Variants in CDC14A observed in about 807,000 individuals in gnomAD.
The protein encoded by CDC14A is cell division cycle 14A, also known as dual specificity protein phosphatase CDC14A.
Under a neutral mutation model 74.4 loss-of-function variants are expected in CDC14A, and 53 were observed. That is an observed-to-expected ratio of 0.71 (90% CI 0.57 to 0.89). The LOEUF (loss-of-function observed/expected upper bound fraction) is 0.89, where lower values mean the gene tolerates loss of function less well. CDC14A is among the 40% of genes least tolerant of loss of function. The probability of loss-of-function intolerance (pLI) is 0.00; values close to 1 mark genes in which losing one functional copy is unlikely to be tolerated. For missense variants in CDC14A, 646 were observed against 713.7 expected (o/e 0.91, Z 1.08); for synonymous variants, 247 against 258.4 (o/e 0.96, Z 0.43).
rs773695527 is a variant in CDC14A, at chr1:100,499,157, C to T, written c.1650C>T (p.Pro550=). The part of the protein sequence containing the change: ...SNSNGGNLNS[P]PGPHSAKTEE... ...GCAACGGGGGCAACCTGAACAGCCC[C>T]CCAGGCCCCCACAGCGCCAAGACAG... Residue 550 remains proline, a synonymous_variant, in exon 15 of 16, where the codon CCC becomes CCT. Coordinates refer to ENST00000336454, the MANE Select transcript of CDC14A (RefSeq NM_003672.4). 2.5e-6 allele frequency: 4 copies of T among 1,614,162 alleles called. No homozygotes were observed. The highest frequency in any genetic ancestry group is 2.2e-5 in the South Asian group (2 of 91,084).
At chr1:100,407,081 A>G (rs534268710) in intron 4 of CDC14A, among the ~76,000 whole-genome samples, 8 of 152,176 alleles carry the variant, frequency 5.3e-5, no homozygotes, top group African/African-American at 1.4e-4. Flanking sequence ...TACCAGTACC[A>G]TGTTGTTTGG....
chr1:100,421,319 G>A (rs1324844618), intron 4 of CDC14A, among the ~76,000 whole-genome samples: 1 of 152,190 alleles, frequency 6.6e-6, no homozygotes, highest in Admixed American at 6.5e-5. Flanking sequence ...ATTCTGCTGA[G>A]AGAAGGCAAA....
chr1:100,406,221 G>T (rs1277285185), intron 4 of CDC14A, among the ~76,000 whole-genome samples: 1 of 151,992 alleles, frequency 6.6e-6, no homozygotes, highest in Non-Finnish European at 1.5e-5. Context: ...CTTTTCAATG[G>T]GGTTGTTTGG....
intron 4 of CDC14A, among the ~76,000 whole-genome samples, chr1:100,418,526 G>A (rs1374226158): frequency 6.6e-6 from 1 of 152,130 alleles, no homozygotes; most frequent in East Asian, 1.9e-4. Context: ...CTTGGTGAAG[G>A]GTTGGCAGTC....
chr1:100,391,364 T>C (rs976183421), intron 4 of CDC14A, among the ~76,000 whole-genome samples: 1 of 152,244 alleles, frequency 6.6e-6, no homozygotes, highest in African/African-American at 2.4e-5. Context: ...TTTCCAAAAC[T>C]AATTTCAATT....
At chr1:100,482,161 A>G (rs1365438650) in intron 10 of CDC14A, among the ~76,000 whole-genome samples, 2 of 152,226 alleles carry the variant, frequency 1.3e-5, no homozygotes, top group Non-Finnish European at 2.9e-5. Flanking sequence ...TGGCAGCAGC[A>G]TCAGAATTTT....
intron 4 of CDC14A, among the ~76,000 whole-genome samples, chr1:100,414,911 G>T (rs1330552324): frequency 6.6e-6 from 1 of 152,068 alleles, no homozygotes; most frequent in African/African-American, 2.4e-5. Flanking sequence ...ACATTGGCTT[G>T]GTGTTTCCTT....
chr1:100,348,187 C>T (rs1028804592), upstream of CDC14A, among the ~76,000 whole-genome samples: 2 of 150,056 alleles, frequency 1.3e-5, no homozygotes, highest in African/African-American at 4.9e-5. Context: ...GAGGCTGAGG[C>T]AGGCAAATTG....
At chr1:100,363,293 G>A (rs1340879879) in intron 2 of CDC14A, 1 of 152,164 alleles carries the variant, frequency 6.6e-6, no homozygotes, top group Non-Finnish European at 1.5e-5. Flanking sequence ...GCTTGTTTAC[G>A]TGTGCAGCTC....
At chr1:100,438,764 C>A (rs1664612694) in intron 5 of CDC14A, among the ~76,000 whole-genome samples, 1 of 152,226 alleles carries the variant, frequency 6.6e-6, no homozygotes, top group Non-Finnish European at 1.5e-5. Context: ...CATTTCACTT[C>A]ATGGCTTAGC....
rs200080208 is a variant in CDC14A, at chr1:100,356,462, CCAAGTCAT to C, written c.140+2612_140+2619del. Among the ~76,000 whole-genome samples the C allele has an allele frequency of 8.4e-3, 1,270 of 152,016 alleles. 15 individuals are homozygous for C. The highest frequency in any genetic ancestry group is 0.03 in the African/African-American group (1,227 of 41,426). On this transcript the variant is annotated intron_variant, in intron 2 of 15. Transcript: ENST00000336454. ...AAAGTAGCAGAGCTGGAGTTTGAAA[CCAAGTCAT>C]CTAGTTGCAGAGGACATATATCCTT... is the stretch of plus-strand genomic sequence containing the variant.
chr1:100,372,017 G>A (rs940985126), intron 2 of CDC14A, among the ~76,000 whole-genome samples: 9 of 152,224 alleles, frequency 5.9e-5, no homozygotes, highest in African/African-American at 2.2e-4. Context: ...AACAAAGCAA[G>A]TCACACAAGG....
chr1:100,412,743 T>TATAAA (rs1419222834), intron 4 of CDC14A, among the ~76,000 whole-genome samples: 3 of 109,910 alleles, frequency 2.7e-5, no homozygotes, highest in Admixed American at 9.2e-5. Flanking sequence ...ATATATTTTA[T>TATAAA]ATATATATAT....
intron 2 of CDC14A, among the ~76,000 whole-genome samples, chr1:100,364,484 T>A (rs1008672437): frequency 1.4e-5 from 2 of 140,416 alleles, no homozygotes; most frequent in Admixed American, 1.3e-4. Flanking sequence ...AGTGCTGGGA[T>A]TACAGGCGGA....
At chr1:100,412,723 T>TATATATATTTATATATATATATA (rs1491148182) in intron 4 of CDC14A, among the ~76,000 whole-genome samples, 1 of 83,764 alleles carries the variant, frequency 1.2e-5, no homozygotes, top group Admixed American at 1.2e-4. Context: ...TATATATATA[T>TATATATATTTATATATATATATA]TTTATATATA....
chr1:100,401,223 A>G (rs1218378868), intron 4 of CDC14A, among the ~76,000 whole-genome samples: 1 of 152,204 alleles, frequency 6.6e-6, no homozygotes, highest in Non-Finnish European at 1.5e-5. Context: ...TTTATTTACC[A>G]GTTTATTATC....
rs150771705 is a variant in CDC14A, at chr1:100,443,723, C to G, written c.519+727C>G. On this transcript the variant is annotated intron_variant, in intron 7 of 15. Coordinates refer to ENST00000336454, the MANE Select transcript of CDC14A (RefSeq NM_003672.4). Reference sequence around the variant, plus strand: ...AAAAGTTCACTGAATTTTTTTTTCCCCATGGCATCATTACAAGACTTTTGA... The same window carrying G: ...AAAAGTTCACTGAATTTTTTTTTCCGCATGGCATCATTACAAGACTTTTGA... Among the ~76,000 whole-genome samples the G allele has an allele frequency of 3.3e-5, 5 of 151,790 alleles. No individual in the cohort carries two copies. In the South Asian group the frequency reaches 1.0e-3, roughly 31 times the overall value.
intron 7 of CDC14A, among the ~76,000 whole-genome samples, chr1:100,452,903 AAC>A (rs1273459917): frequency 6.6e-6 from 1 of 152,200 alleles, no homozygotes; most frequent in African/African-American, 2.4e-5. Context: ...TAGAAAAACC[AAC>A]TTGGGTCATA....
At chr1:100,384,783 GTCT>G (rs1311145400) in intron 3 of CDC14A, among the ~76,000 whole-genome samples, 1 of 152,190 alleles carries the variant, frequency 6.6e-6, no homozygotes, top group Non-Finnish European at 1.5e-5. Context: ...CTTCAATTTT[GTCT>G]TCTTTTAAAT....
Sources: gnomAD v4.1 joint callset for allele counts (sites outside exome capture counted in the v4.1 genomes callset) on GRCh38, gnomAD v4.1.1 for gene constraint, MANE v1.5 for transcripts, NCBI Gene and HGNC (gene_info 2026-07-23, HGNC 2026-07-21) for gene names.